The following TFEC variants were observed in gnomAD, a reference collection of about 807,000 sequenced individuals.
The protein encoded by TFEC is transcription factor EC, also known as class E basic helix-loop-helix protein 34.
A neutral mutation model predicts 41.6 loss-of-function variants in TFEC; 31 were observed. That is an observed-to-expected ratio of 0.74 (90% CI 0.56 to 1.01). TFEC has a LOEUF of 1.01. Among genes scored for constraint, TFEC ranks in the 50% least tolerant of loss-of-function variants. TFEC has a pLI of 0.00. For synonymous variants in TFEC, 143 were observed against 140.6 expected (o/e 1.02, Z -0.12); for missense variants, 402 against 404.1 (o/e 0.99, Z 0.04).
At chr7:116,159,565 T>C (rs897033733) in intron 1 of TFEC, among the ~76,000 whole-genome samples, 1 of 152,088 alleles carries the variant, frequency 6.6e-6, no homozygotes, top group Non-Finnish European at 1.5e-5. Context: ...TTCCTTCTAG[T>C]GAATTCACCA....
chr7:115,942,037 A>T lies in TFEC; in HGVS notation c.519T>A (p.Asp173Glu), dbSNP rs753195418. The change falls in exon 7 of 8, where the codon GAT becomes GAA. Residue 173 changes from aspartate to glutamate, a missense_variant. Coordinates refer to ENST00000265440, the MANE Select transcript of TFEC (RefSeq NM_012252.4). ...GAATGGTTCCTTTGTTCCAGCGCATATCACTGTAGAATGGAGAGATAACCT... is the reference window on the plus strand; with the variant it reads ...GAATGGTTCCTTTGTTCCAGCGCATTTCACTGTAGAATGGAGAGATAACCT... Reference protein sequence around the residue: ...GTLIPKSNDPDMRWNKGTILK... With the variant: ...GTLIPKSNDPEMRWNKGTILK... 13 of 1,611,552 alleles carry T rather than the reference A, an allele frequency of 8.1e-6. No homozygotes were observed. In the African/African-American group the frequency reaches 1.2e-4, roughly 15 times the overall value.
At chr7:116,091,352 CAATGTAA>C (rs1797323625) in intron 3 of TFEC, among the ~76,000 whole-genome samples, 1 of 152,008 alleles carries the variant, frequency 6.6e-6, no homozygotes, top group African/African-American at 2.4e-5. Flanking sequence ...TACTATTAAA[CAATGTAA>C]AATCCTAAAT....
chr7:116,083,387 A>G (rs748093430), intron 3 of TFEC, among the ~76,000 whole-genome samples: 4 of 151,978 alleles, frequency 2.6e-5, no homozygotes, highest in Non-Finnish European at 5.9e-5. Context: ...GCATGACAAT[A>G]CAAATTCAGC....
intron 5 of TFEC, among the ~76,000 whole-genome samples, chr7:115,951,167 C>T (rs997682235): frequency 6.6e-6 from 1 of 151,962 alleles, no homozygotes; most frequent in African/African-American, 2.4e-5. Flanking sequence ...GTTTTAAAAA[C>T]ATTTTGTCAC....
At chr7:116,016,028 G>A (rs1795176051) in intron 1 of TFEC, among the ~76,000 whole-genome samples, 1 of 152,134 alleles carries the variant, frequency 6.6e-6, no homozygotes, top group Non-Finnish European at 1.5e-5. Flanking sequence ...GACTTGAGGA[G>A]CATCAATATC....
chr7:115,942,985 G>T (rs62477212), intron 6 of TFEC, among the ~76,000 whole-genome samples: 21,428 of 151,954 alleles, frequency 0.14, 2,051 homozygotes, highest in Non-Finnish European at 0.21. Context: ...AAAGTACACA[G>T]GTAGGGAAAT....
intron 6 of TFEC, among the ~76,000 whole-genome samples, chr7:115,942,500 A>G (rs1354673455): frequency 6.6e-6 from 1 of 152,018 alleles, no homozygotes; most frequent in Non-Finnish European, 1.5e-5. Flanking sequence ...TATGTTTCTA[A>G]GAAAAAATTA....
At chr7:115,965,664 T>C (rs906452540) in intron 3 of TFEC, among the ~76,000 whole-genome samples, 1 of 151,632 alleles carries the variant, frequency 6.6e-6, no homozygotes, top group Non-Finnish European at 1.5e-5. Flanking sequence ...CCTAGAAAAA[T>C]ATAGCTTTGT....
chr7:116,078,395 G>T (rs1055080650), intron 3 of TFEC, among the ~76,000 whole-genome samples: 1 of 151,896 alleles, frequency 6.6e-6, no homozygotes, highest in Non-Finnish European at 1.5e-5. Context: ...GAAACAAAAA[G>T]CTGGTTATTT....
chr7:116,071,898 T>C (rs1050513741), intron 3 of TFEC, among the ~76,000 whole-genome samples: 3 of 151,454 alleles, frequency 2.0e-5, no homozygotes, highest in Admixed American at 1.3e-4. Context: ...TATGTAGTAT[T>C]ACTTAGTAGT....
At chr7:116,061,920 A>C (rs901907914) in intron 3 of TFEC, among the ~76,000 whole-genome samples, 3 of 152,148 alleles carry the variant, frequency 2.0e-5, no homozygotes, top group African/African-American at 7.2e-5. Context: ...GGATGACTAA[A>C]ATGTAAAAGA....
At chr7:116,105,618 C>G (rs1009302922) in intron 3 of TFEC, among the ~76,000 whole-genome samples, 1 of 152,040 alleles carries the variant, frequency 6.6e-6, no homozygotes, top group Non-Finnish European at 1.5e-5. Flanking sequence ...GGAAAACATG[C>G]TATGAACCTT....
At chr7:116,135,440 T>C (rs1798415183) in intron 1 of TFEC, among the ~76,000 whole-genome samples, 1 of 152,162 alleles carries the variant, frequency 6.6e-6, no homozygotes, top group Admixed American at 6.5e-5. Flanking sequence ...CTTGAAGAAT[T>C]CTGAAAAGCA....
At chr7:116,147,318 A>G (rs1798661883) in intron 1 of TFEC, among the ~76,000 whole-genome samples, 1 of 152,264 alleles carries the variant, frequency 6.6e-6, no homozygotes, top group Non-Finnish European at 1.5e-5. Flanking sequence ...GCAGAATATC[A>G]AAGACAAAGA....
At chr7:116,132,403 A>G (rs1307280495) in intron 1 of TFEC, among the ~76,000 whole-genome samples, 2 of 152,218 alleles carry the variant, frequency 1.3e-5, no homozygotes, top group African/African-American at 2.4e-5. Flanking sequence ...TTTTTTAAAT[A>G]TGCAAAAAAG....
At chr7:116,056,680 T>C (rs1002545537) in intron 3 of TFEC, among the ~76,000 whole-genome samples, 17 of 152,074 alleles carry the variant, frequency 1.1e-4, no homozygotes, top group Non-Finnish European at 1.9e-4. Context: ...GACCCAAAAG[T>C]ATCAAACTCT....
Position 116,151,237 on chromosome 7 carries a change from GA to G in TFEC, c.-69+8552del, listed in dbSNP as rs1798754309. 6.4e-5 allele frequency among the ~76,000 whole-genome samples: 9 copies of G among 141,310 alleles called. 1 individual carries two copies. The South Asian group carries it at 1.4e-3, about 21-fold the overall frequency. The allele number at this position is 141,310 out of a possible 152,430, so 92.7% of individuals were successfully genotyped here. ...GAATATTTCCTTTGATATTATGTCA[GA>G]TTTTTTTTTTTTTTTTTTTTTTGAG... On this transcript the variant is annotated intron_variant, in intron 1 of 8. Transcript: ENST00000484212.
intron 1 of TFEC, among the ~76,000 whole-genome samples, chr7:116,154,357 A>G (rs1798825633): frequency 2.0e-5 from 3 of 152,024 alleles, no homozygotes; most frequent in African/African-American, 2.4e-5. Context: ...AGGCTTTACT[A>G]TCTCCTGGTA....
chr7:116,105,179 A>C (rs1797688438), intron 3 of TFEC, among the ~76,000 whole-genome samples: 1 of 152,134 alleles, frequency 6.6e-6, no homozygotes, highest in Admixed American at 6.6e-5. Flanking sequence ...TTTTCTCCAA[A>C]AAAAATTATA....
Sources: gnomAD v4.1 joint callset for allele counts (sites outside exome capture counted in the v4.1 genomes callset) on GRCh38, gnomAD v4.1.1 for gene constraint, MANE v1.5 for transcripts, NCBI Gene and HGNC (gene_info 2026-07-23, HGNC 2026-07-21) for gene names.